The following CHRD variants were observed in gnomAD, a reference collection of about 807,000 sequenced individuals.
The protein encoded by CHRD is chordin.
Under a neutral mutation model 113.7 loss-of-function variants are expected in CHRD, and 69 were observed. That is an observed-to-expected ratio of 0.61 (90% confidence interval 0.50 to 0.74). The LOEUF is 0.74. Among genes scored for constraint, CHRD ranks in the 30% least tolerant of loss-of-function variants. The pLI is 0.00. For synonymous variants in CHRD, 561 were observed against 540.8 expected (o/e 1.04, Z -0.52); for missense variants, 1,194 against 1,295.8 (o/e 0.92, Z 1.21).
rs376181413 is a variant in CHRD at position 184,381,176 on chromosome 3, G to A, written c.253-59G>A. 5 of 1,601,480 alleles carry A rather than the reference G, an allele frequency of 3.1e-6. No homozygotes were observed. In the African/African-American group the frequency reaches 6.7e-5, roughly 21 times the overall value. On this transcript the variant is annotated intron_variant, in intron 2 of 22. Coordinates refer to ENST00000204604, the Ensembl canonical transcript of CHRD. The surrounding 1 kb of genome is among the most constrained non-coding windows in gnomAD (Gnocchi z 4.7). The stretch of plus-strand genomic sequence containing the variant: ...ACTCTGCGGGACATCCTTGCCTGGG[G>A]GGGTCTCATCAGTTGGCATCTTGCA...
At chr3:184,382,124 G>A in intron 6 of CHRD, 104 bp downstream of exon 6, 2 of 1,464,130 alleles carry the variant, frequency 1.4e-6, no homozygotes, top group Non-Finnish European at 1.9e-6. Context: ...GTGGGAGGAA[G>A]GCACTGACAT....
chr3:184,383,197 T>G (rs1282205690), intron 10 of CHRD, 34 bp downstream of exon 10: 1 of 1,592,160 alleles, frequency 6.3e-7, no homozygotes. Context: ...GCGCCGGGCA[T>G]GCACAACTGA....
rs1265267146 is a variant in CHRD, at chr3:184,387,435, G to GC, written c.2415dup (p.Phe806LeufsTer5). ...CGGGTACGCGGTGGCACCCCGTTGTGCCCCCCTTTGGCTTAATTAAGTGTG... is the reference window on the plus strand; with the variant it reads ...CGGGTACGCGGTGGCACCCCGTTGTGCCCCCCCTTTGGCTTAATTAAGTGTG... On this transcript the variant is annotated frameshift_variant, in exon 19 of 23. Coordinates refer to ENST00000204604, the Ensembl canonical transcript of CHRD. LOFTEE classifies it high-confidence loss of function. This position sits in a 1 kb window ranked among gnomAD's most constrained non-coding sequence, Gnocchi z 6.1. The GC allele has an allele frequency of 1.2e-6, 2 of 1,612,612 alleles. No individual in the cohort carries two copies. The highest frequency in any genetic ancestry group is 1.7e-6 in the Non-Finnish European group (2 of 1,179,570).
chr3:184,384,628 C>G lies in CHRD; in HGVS notation c.1532C>G (p.Pro511Arg), dbSNP rs1487833549. ...CTGAACGTGGGCACCAAGGACTTCC[C>G]AGACGGAGAGCTTCGGGGGCACGTG... The change falls in exon 13 of 23, where the codon CCA (proline) becomes CGA (arginine). Residue 511 changes from proline (P) to arginine (R), a missense_variant. Physicochemically the swap from Pro to Arg is moderately radical, Grantham distance 103. Transcript: ENST00000204604. The surrounding 1 kb of genome is among the most constrained non-coding windows in gnomAD (Gnocchi z 4.4). The G allele has an allele frequency of 6.2e-7, 1 of 1,608,996 alleles. No homozygotes were observed. The highest frequency in any genetic ancestry group is 1.7e-5 in the Admixed American group (1 of 58,964).
In CHRD at chr3:184,387,592, G is replaced by T. The variant is rs903914514; in HGVS notation, c.2451+115G>T. On this transcript the variant is annotated intron_variant, in intron 19 of 22. Transcript: ENST00000204604. This position sits in a 1 kb window ranked among gnomAD's most constrained non-coding sequence, Gnocchi z 6.1. ...GTGAGGAGGGCTCAAGAATCAAAAC[G>T]ATATGAGAAAAGGCCCTTGCGCTCT... 12 of 1,006,326 alleles carry T rather than the reference G, an allele frequency of 1.2e-5. No individual in the cohort carries two copies. Among genetic ancestry groups the T allele is most frequent in the Non-Finnish European group, 1.7e-5 (12 of 702,866 alleles). The allele number at this position is 1,006,326 out of a possible 1,614,324, so 62.3% of individuals were successfully genotyped here.
exon 9 of CHRD, chr3:184,382,888 C>G: frequency 6.2e-7 from 1 of 1,613,818 alleles, no homozygotes; most frequent in Non-Finnish European, 8.5e-7. Context: ...GCTCCAGATT[C>G]TACACCAGGG....
chr3:184,388,834 A>G lies in CHRD; in HGVS notation c.2710-59A>G, dbSNP rs1340253258. On this transcript the variant is annotated intron_variant, in intron 21 of 22. Coordinates refer to ENST00000204604, the Ensembl canonical transcript of CHRD. The surrounding 1 kb of genome is among the most constrained non-coding windows in gnomAD (Gnocchi z 6.1). The stretch of plus-strand genomic sequence containing the variant: ...CCAGGGAGGTCCCTGAAGAAGCTGA[A>G]GGTCACTGTGTCCCAGTGCCTCTGG... The G allele has an allele frequency of 6.2e-7, 1 of 1,604,480 alleles. No individual in the cohort carries two copies. The highest frequency in any genetic ancestry group is 8.5e-7 in the Non-Finnish European group (1 of 1,172,740).
downstream of CHRD, chr3:184,390,169 CTTCCCTTCCCTTCCCTTTCT>C (rs1577420479): frequency 1.4e-5 from 2 of 145,708 alleles, no homozygotes; most frequent in East Asian, 2.2e-4. Context: ...TCTCTCCCTC[CTTCCCTTCCCTTCCCTTTCT>C]TTCCCTCCCC....
Position 184,380,375 on chromosome 3 carries a change from C to T in CHRD, c.57C>T (p.Leu19=), listed in dbSNP as rs746956690. The T allele has an allele frequency of 5.2e-6, 7 of 1,343,052 alleles. No homozygotes were observed. In the South Asian group the frequency reaches 1.0e-4, roughly 20 times the overall value. The allele number at this position is 1,343,052 out of a possible 1,614,324, so 83.2% of individuals were successfully genotyped here. The change falls in exon 1 of 23, where the codon CTC becomes CTT. Residue 19 remains leucine (L), a synonymous_variant. Transcript: ENST00000204604. This position sits in a 1 kb window ranked among gnomAD's most constrained non-coding sequence, Gnocchi z 6.3. ...TGCTGCTCCTCGGGCTGCTGCTGCTCGGCTCCCGGCCGGCCCGCGGCGCCG... is the reference window on the plus strand; with the variant it reads ...TGCTGCTCCTCGGGCTGCTGCTGCTTGGCTCCCGGCCGGCCCGCGGCGCCG...
In CHRD at chr3:184,381,629, G is replaced by A. The variant is rs755790440; in HGVS notation, c.511+5G>A. ...CCCGTGGTGACGGCCACACGGGTAG[G>A]GGGCTGGCGAACAGCGGGGTTGTGG... is the stretch of plus-strand genomic sequence containing the variant. On this transcript the variant is annotated splice_donor_5th_base_variant and intron_variant, in intron 4 of 22. Transcript: ENST00000204604. This position sits in a 1 kb window ranked among gnomAD's most constrained non-coding sequence, Gnocchi z 4.7. 6.2e-7 allele frequency: 1 copy of A among 1,605,118 alleles called. No individual in the cohort carries two copies. Among genetic ancestry groups the A allele is most frequent in the Non-Finnish European group, 8.5e-7 (1 of 1,175,304 alleles).
Position 184,380,965 on chromosome 3 carries a change from C to T in CHRD, c.252+170C>T, listed in dbSNP as rs573965868. On this transcript the variant is annotated intron_variant, in intron 2 of 22. Transcript: ENST00000204604. The surrounding 1 kb of genome is among the most constrained non-coding windows in gnomAD (Gnocchi z 6.3). ...CCCCTCCAATTCTTAGGTGCTGTTA[C>T]TGATCGCCCACTCTGTGTGAGGCTC... 4.5e-5 allele frequency: 33 copies of T among 736,724 alleles called. No individual in the cohort carries two copies. In the African/African-American group the frequency reaches 4.8e-4, roughly 11 times the overall value. 45.6% of individuals were successfully genotyped at this position (736,724 alleles called of 1,614,324 possible). A position where few individuals can be genotyped will look rare whatever the true frequency, so the allele number is the denominator to read the frequency against.
At position 184,387,966 on chromosome 3, in the gene CHRD, G is replaced by A. The variant is rs749591855; in HGVS notation, c.2487G>A (p.Gln829=). 3.1e-6 allele frequency: 5 copies of A among 1,613,656 alleles called. No homozygotes were observed. The highest frequency in any genetic ancestry group is 1.1e-5 in the South Asian group (1 of 90,840). Residue 829 remains glutamine, a synonymous_variant, in exon 20 of 23, where the codon CAG becomes CAA. Transcript: ENST00000204604. The surrounding 1 kb of genome is among the most constrained non-coding windows in gnomAD (Gnocchi z 6.1). ...GAGAGGTGCACTGTGAGAAGGTGCA[G>A]TGTCCCCGGCTGGCCTGTGCCCAGC... is the stretch of plus-strand genomic sequence containing the variant.
chr3:184,384,552 C>T lies in CHRD; in HGVS notation c.1456C>T (p.Pro486Ser). ...CTGCCCCCAGGCCGTGGGTATCTGC[C>T]CTGGGCTGGGTGCCCGAGGGGCTCA... Residue 486 changes from proline (P) to serine (S), a missense_variant, in exon 13 of 23, where the codon CCT becomes TCT. Transcript: ENST00000204604. This position sits in a 1 kb window ranked among gnomAD's most constrained non-coding sequence, Gnocchi z 4.4. 1.3e-6 allele frequency: 2 copies of T among 1,575,658 alleles called. No homozygotes were observed. Among genetic ancestry groups the T allele is most frequent in the South Asian group, 2.3e-5 (2 of 85,118 alleles).
Position 184,386,752 on chromosome 3 carries a change from C to A in CHRD, c.2193C>A (p.Cys731Ter). ...ACCCGCTCTGCTCACTCTGCACCTG[C>A]CAGGTAGGAGGTCCTGGAAGGGCAC... Residue 731 changes from cysteine to a stop codon, truncating the protein, a stop_gained, in exon 16 of 23, where the codon TGC becomes TGA. Transcript: ENST00000204604. LOFTEE classifies it high-confidence loss of function. 1 of 1,613,084 alleles carries A rather than the reference C, an allele frequency of 6.2e-7. No homozygotes were observed.
At position 184,382,784 on chromosome 3, in the gene CHRD, A is replaced by G. The variant is rs1179691913; in HGVS notation, c.982+10A>G. The G allele has an allele frequency of 6.2e-7, 1 of 1,613,470 alleles. No individual in the cohort carries two copies. Among genetic ancestry groups the G allele is most frequent in the Non-Finnish European group, 8.5e-7 (1 of 1,179,774 alleles). On this transcript the variant is annotated intron_variant, in intron 8 of 22. Transcript: ENST00000204604. Reference sequence around the variant, plus strand: ...GAACCCAGGAGTGGGGGTAAGTGGGATGGGGGCAAAACACGTGAGAAGGTT... The same window carrying G: ...GAACCCAGGAGTGGGGGTAAGTGGGGTGGGGGCAAAACACGTGAGAAGGTT...
chr3:184,386,381 G>A (rs1276306411), intron 15 of CHRD, 111 bp from the exon 16 acceptor site: 5 of 1,428,930 alleles, frequency 3.5e-6, no homozygotes, highest in African/African-American at 1.4e-5. Flanking sequence ...CATCCTCCTG[G>A]GCCACTGCAG....
chr3:184,382,580 C>T, intron 7 of CHRD, 50 bp downstream of exon 7: 2 of 1,611,458 alleles, frequency 1.2e-6, no homozygotes, highest in South Asian at 2.2e-5. Flanking sequence ...TCTCTATCAC[C>T]CAGGAAAGGG....
intron 22 of CHRD, 109 bp from the exon 23 acceptor site, chr3:184,389,258 C>A (rs982193583): frequency 2.0e-6 from 2 of 982,368 alleles, no homozygotes; most frequent in African/African-American, 3.2e-5. Flanking sequence ...TTAGAAAATA[C>A]TGGCCTTTCT....
exon 7 of CHRD, chr3:184,382,488 G>C (rs1468179733): frequency 1.2e-6 from 2 of 1,614,084 alleles, no homozygotes; most frequent in South Asian, 1.1e-5. Context: ...CCCTTCAGGG[G>C]AGGTCTGGGG....
Sources: gnomAD v4.1 joint callset for allele counts on GRCh38, gnomAD v4.1.1 for gene constraint, Gnocchi (gnomAD v3.1) non-coding constraint, MANE v1.5 for transcripts, NCBI Gene and HGNC (gene_info 2026-07-23, HGNC 2026-07-21) for gene names.